The following GPR137B variants were observed in gnomAD, a reference collection of about 807,000 sequenced individuals.
GPR137B encodes G protein-coupled receptor 137B.
GPR137B carries 42 observed loss-of-function variants against 42.5 expected under a neutral mutation model. The ratio of observed to expected loss-of-function variants is 0.99; its 90% CI spans 0.77 to 1.28. The LOEUF (loss-of-function observed/expected upper bound fraction) is 1.28, where lower values mean the gene tolerates loss of function less well. GPR137B is among the 50% of genes most tolerant of loss of function. The pLI is 0.00. For missense variants in GPR137B, 487 were observed against 493.9 expected (o/e 0.99, Z 0.13); for synonymous variants, 218 against 209.7 (o/e 1.04, Z -0.34).
intron 5 of GPR137B, among the ~76,000 whole-genome samples, chr1:236,204,301 T>C (rs1333846660): frequency 1.3e-5 from 2 of 152,180 alleles, no homozygotes; most frequent in East Asian, 1.9e-4. Flanking sequence ...TTGTTGAATT[T>C]GGTTTACTAG....
chr1:236,183,860 C>T lies in GPR137B; in HGVS notation c.920C>T (p.Thr307Ile), dbSNP rs1264569375. 1 of 1,606,296 alleles carries T rather than the reference C, an allele frequency of 6.2e-7. No individual in the cohort carries two copies. Among genetic ancestry groups the T allele is most frequent in the Non-Finnish European group, 8.5e-7 (1 of 1,173,252 alleles). ...TTTGTTTGGGAACTCTTACCTACCACCTTAGTCGTTTATTTCTTCCGAGTT... is the reference window on the plus strand; with the variant it reads ...TTTGTTTGGGAACTCTTACCTACCATCTTAGTCGTTTATTTCTTCCGAGTT... ...VLFVWELLPT[T>I]LVVYFFRVRN... The change falls in exon 5 of 7, where the codon ACC becomes ATC. Residue 307 changes from threonine (T) to isoleucine (I), a missense_variant. Thr to Ile is a moderately conservative substitution (Grantham distance 89, BLOSUM62 -1). Coordinates refer to ENST00000366592, the MANE Select transcript of GPR137B (RefSeq NM_003272.4).
At position 236,205,126 on chromosome 1, in the gene GPR137B, A is replaced by T. The variant is rs1663616854; in HGVS notation, c.967A>T (p.Thr323Ser). The T allele has an allele frequency of 1.9e-6, 3 of 1,612,310 alleles. No individual in the cohort carries two copies. Among genetic ancestry groups the T allele is most frequent in the Non-Finnish European group, 2.5e-6 (3 of 1,178,586 alleles). The stretch of plus-strand genomic sequence containing the variant: ...GCTGAATGATTACCTGTCTTTCTAG[A>T]CCAACCCTGGAATGGTCCCCAGCCA... ...FRVRNPTKDL[T>S]NPGMVPSHGF... The change falls in exon 6 of 7, where the codon ACC (threonine) becomes TCC (serine). Residue 323 changes from threonine (T) to serine (S), a missense_variant and splice_region_variant. Physicochemically the swap from Thr to Ser is moderately conservative, Grantham distance 58. Transcript: ENST00000366592.
chr1:236,154,792 A>G lies in GPR137B; in HGVS notation c.414+11756A>G, dbSNP rs532155726. Among the ~76,000 whole-genome samples the G allele has an allele frequency of 3.9e-5, 6 of 152,170 alleles. No individual in the cohort carries two copies. The East Asian group carries it at 5.8e-4, about 15-fold the overall frequency. On this transcript the variant is annotated intron_variant, in intron 1 of 6. Coordinates refer to ENST00000366592, the MANE Select transcript of GPR137B (RefSeq NM_003272.4). Reference sequence around the variant, plus strand: ...GTTTTTGCATCGTTTGCCAGCAAGGATCAGGGCACGATGGTACGACACTGC... The same window carrying G: ...GTTTTTGCATCGTTTGCCAGCAAGGGTCAGGGCACGATGGTACGACACTGC...
At chr1:236,180,667 T>A (rs1662845871) in intron 4 of GPR137B, among the ~76,000 whole-genome samples, 1 of 147,566 alleles carries the variant, frequency 6.8e-6, no homozygotes, top group Non-Finnish European at 1.5e-5. Context: ...GGAGTTTCAC[T>A]CTTGTTGCCC....
intron 5 of GPR137B, among the ~76,000 whole-genome samples, chr1:236,186,336 T>TAAATA: frequency 1.9e-5 from 2 of 104,850 alleles, no homozygotes; most frequent in African/African-American, 6.9e-5. Flanking sequence ...TATATAATTA[T>TAAATA]ATATATTATA....
Position 236,178,785 on chromosome 1 carries a change from GTTTTTTT to G in GPR137B, c.687+173_687+179del, listed in dbSNP as rs3082534. ...GTCTCCCACACAGGGGCTACTCGAG[GTTTTTTT>G]TTTTTTTTTTTTTTTTTTTTTTTGA... is the stretch of plus-strand genomic sequence containing the variant. On this transcript the variant is annotated intron_variant, in intron 3 of 6. Transcript: ENST00000366592. The G allele has an allele frequency of 5.2e-3, 258 of 49,474 alleles. 3 individuals carry two copies. The highest frequency in any genetic ancestry group is 0.029 in the Middle Eastern group (2 of 68). The allele number at this position is 49,474 out of a possible 1,614,324, so 3.1% of individuals were successfully genotyped here.
chr1:236,204,294 T>C (rs1663584637), intron 5 of GPR137B, among the ~76,000 whole-genome samples: 2 of 152,326 alleles, frequency 1.3e-5, no homozygotes, highest in Admixed American at 6.5e-5. Flanking sequence ...CAATGTATTG[T>C]TGAATTTGGT....
intron 5 of GPR137B, among the ~76,000 whole-genome samples, chr1:236,188,348 C>G (rs1244271814): frequency 1.3e-5 from 2 of 152,140 alleles, no homozygotes; most frequent in African/African-American, 4.8e-5. Flanking sequence ...GCCAGAACTT[C>G]CAATACTATG....
chr1:236,164,126 C>G (rs1351532459), intron 1 of GPR137B, among the ~76,000 whole-genome samples: 1 of 152,200 alleles, frequency 6.6e-6, no homozygotes, highest in African/African-American at 2.4e-5. Context: ...TTATTACTGA[C>G]ATGTCTGTCT....
intron 5 of GPR137B, among the ~76,000 whole-genome samples, chr1:236,198,591 T>C (rs1276793919): frequency 6.6e-6 from 1 of 152,224 alleles, no homozygotes; most frequent in Non-Finnish European, 1.5e-5. Context: ...ATTCTACCCA[T>C]CTGTGAGCAT....
chr1:236,143,721 C>T (rs1243867270), intron 1 of GPR137B, among the ~76,000 whole-genome samples: 1 of 152,108 alleles, frequency 6.6e-6, no homozygotes, highest in African/African-American at 2.4e-5. Context: ...GACTGGGGCT[C>T]TTTTACAGCC....
At chr1:236,197,275 T>G (rs1402084523) in intron 5 of GPR137B, among the ~76,000 whole-genome samples, 1 of 152,216 alleles carries the variant, frequency 6.6e-6, no homozygotes, top group Non-Finnish European at 1.5e-5. Flanking sequence ...TCTTGAAGAT[T>G]TTGGATATTA....
chr1:236,166,907 C>T (rs1205264835), intron 1 of GPR137B, among the ~76,000 whole-genome samples: 1 of 152,072 alleles, frequency 6.6e-6, no homozygotes, highest in Non-Finnish European at 1.5e-5. Flanking sequence ...CCATTTCAGC[C>T]TCCTCCCTGA....
At chr1:236,146,867 AGT>A (rs755010215) in intron 1 of GPR137B, among the ~76,000 whole-genome samples, 4 of 152,110 alleles carry the variant, frequency 2.6e-5, no homozygotes, top group Non-Finnish European at 5.9e-5. Context: ...AGGCCGCAGT[AGT>A]GTGATCTTGG....
At chr1:236,189,037 T>C (rs1214853641) in intron 5 of GPR137B, among the ~76,000 whole-genome samples, 1 of 152,190 alleles carries the variant, frequency 6.6e-6, no homozygotes, top group Admixed American at 6.5e-5. Flanking sequence ...CTTCTCCTGG[T>C]TTAGACTTGG....
In GPR137B at chr1:236,199,263, G is replaced by A. The variant is rs186677074; in HGVS notation, c.967-5863G>A. Among the ~76,000 whole-genome samples the A allele has an allele frequency of 5.9e-5, 9 of 152,168 alleles. No homozygotes were observed. In the East Asian group the frequency reaches 1.4e-3, roughly 23 times the overall value. ...GGTATGAAACCCACTTGATCATGGTGGATTATCTTTTTGATATGCTGTTGG... is the reference window on the plus strand; with the variant it reads ...GGTATGAAACCCACTTGATCATGGTAGATTATCTTTTTGATATGCTGTTGG... On this transcript the variant is annotated intron_variant, in intron 5 of 6. Transcript: ENST00000366592.
intron 4 of GPR137B, among the ~76,000 whole-genome samples, chr1:236,181,917 G>A (rs1487662339): frequency 2.9e-5 from 1 of 34,662 alleles, no homozygotes; most frequent in Non-Finnish European, 4.3e-5. Flanking sequence ...TTTTTGAGAC[G>A]GAGTCTCTCT....
Position 236,142,644 on chromosome 1 carries a change from C to T in GPR137B, c.22C>T (p.Pro8Ser), listed in dbSNP as rs1221406949. MRPERPR[P>S]RGSAPGPMET... Reference sequence around the variant, plus strand: ...CCCGATGAGGCCCGAGCGTCCCCGGCCGCGCGGCAGCGCCCCCGGCCCGAT... The same window carrying T: ...CCCGATGAGGCCCGAGCGTCCCCGGTCGCGCGGCAGCGCCCCCGGCCCGAT... The change falls in exon 1 of 7, where the codon CCG (proline) becomes TCG (serine). Residue 8 changes from proline (P) to serine (S), a missense_variant. Physicochemically the swap from Pro to Ser is moderately conservative, Grantham distance 74. Transcript: ENST00000366592. The T allele has an allele frequency of 3.3e-6, 5 of 1,494,406 alleles. No individual in the cohort carries two copies. The highest frequency in any genetic ancestry group is 4.4e-6 in the Non-Finnish European group (5 of 1,129,772). 92.6% of individuals were successfully genotyped at this position (1,494,406 alleles called of 1,614,324 possible).
intron 5 of GPR137B, among the ~76,000 whole-genome samples, chr1:236,199,338 T>C (rs1277134145): frequency 6.6e-6 from 1 of 152,182 alleles, no homozygotes. Flanking sequence ...TCTATGTTCA[T>C]CAGGGATAAA....
Sources: gnomAD v4.1 joint callset for allele counts (sites outside exome capture counted in the v4.1 genomes callset) on GRCh38, gnomAD v4.1.1 for gene constraint, MANE v1.5 for transcripts, NCBI Gene and HGNC (gene_info 2026-07-23, HGNC 2026-07-21) for gene names.